The following KCNJ6 variants were observed in gnomAD, a reference collection of about 807,000 sequenced individuals.
KCNJ6 encodes the protein potassium inwardly rectifying channel subfamily J member 6.
Under a neutral mutation model 34.2 loss-of-function variants are expected in KCNJ6, and 9 were observed. That is an observed-to-expected ratio of 0.26 (90% CI 0.16 to 0.46). KCNJ6 has a LOEUF of 0.46. Ranked by LOEUF, KCNJ6 falls within the 20% of genes least tolerant of loss-of-function variation. The pLI, the probability that KCNJ6 is intolerant of heterozygous loss-of-function variation, is 1.00. For synonymous variants in KCNJ6, 196 were observed against 207.1 expected (o/e 0.95, Z 0.46); for missense variants, 236 against 531.3 (o/e 0.44, Z 5.46).
intron 3 of KCNJ6, among the ~76,000 whole-genome samples, chr21:37,692,587 A>T (rs2054644796): frequency 6.6e-6 from 1 of 152,152 alleles, no homozygotes; most frequent in South Asian, 2.1e-4. Context: ...GAGAGACAAC[A>T]TTCTCTTCTG....
At chr21:37,828,064 C>T (rs887266785) in intron 2 of KCNJ6, among the ~76,000 whole-genome samples, 4 of 152,206 alleles carry the variant, frequency 2.6e-5, no homozygotes, top group African/African-American at 9.6e-5. Context: ...AAGCACTACA[C>T]CCTCTGTGGA....
chr21:37,886,498 T>C lies in KCNJ6; in HGVS notation c.-28+29386A>G, dbSNP rs1389371221. 2.6e-5 allele frequency among the ~76,000 whole-genome samples: 4 copies of C among 152,220 alleles called. No individual in the cohort carries two copies. The East Asian group carries it at 7.7e-4, about 29-fold the overall frequency. On this transcript the variant is annotated intron_variant, in intron 1 of 3. Transcript: ENST00000609713. ...AGCTCCTTAAAGAATCTCATGTAAT[T>C]AGAGCTAACCTGTCCCAATTTCAAA...
At position 37,750,828 on chromosome 21, in the gene KCNJ6, T is replaced by A. The variant is rs142667069; in HGVS notation, c.26-35697A>T. 4.2e-3 allele frequency among the ~76,000 whole-genome samples: 645 copies of A among 152,308 alleles called. 4 individuals carry two copies. The highest frequency in any genetic ancestry group is 0.014 in the African/African-American group (577 of 41,562). The stretch of plus-strand genomic sequence containing the variant: ...AACCACCATGGCACATGTATACCTA[T>A]GTAACAAACCTGCATGTTCTGCGCA... On this transcript the variant is annotated intron_variant, in intron 2 of 3. Coordinates refer to ENST00000609713, the MANE Select transcript of KCNJ6 (RefSeq NM_002240.5).
chr21:37,896,659 C>G (rs2055789875), intron 1 of KCNJ6, among the ~76,000 whole-genome samples: 2 of 152,082 alleles, frequency 1.3e-5, no homozygotes, highest in African/African-American at 2.4e-5. Context: ...GGGGGAGACT[C>G]AAGGGTGGCA....
intron 2 of KCNJ6, among the ~76,000 whole-genome samples, chr21:37,822,619 C>T (rs2055378819): frequency 1.3e-5 from 2 of 152,204 alleles, no homozygotes; most frequent in African/African-American, 4.8e-5. Context: ...ATATTGGGGT[C>T]TATGGCTTTG....
chr21:37,782,712 C>A (rs1296200917), intron 2 of KCNJ6, among the ~76,000 whole-genome samples: 1 of 152,162 alleles, frequency 6.6e-6, no homozygotes, highest in Non-Finnish European at 1.5e-5. Context: ...CAGGCTGTGG[C>A]CCTACTGGGG....
intron 3 of KCNJ6, among the ~76,000 whole-genome samples, chr21:37,646,304 C>G (rs916818756): frequency 9.9e-5 from 15 of 152,148 alleles, no homozygotes; most frequent in Non-Finnish European, 5.9e-5. Context: ...CGCTACATCC[C>G]TTGGCTCACA....
At chr21:37,857,709 A>G (rs1221861155) in intron 1 of KCNJ6, among the ~76,000 whole-genome samples, 2 of 152,214 alleles carry the variant, frequency 1.3e-5, no homozygotes, top group African/African-American at 4.8e-5. Flanking sequence ...TGACCCAGAA[A>G]GAAATCCCCT....
At chr21:37,633,527 C>T (rs1318247904) in intron 3 of KCNJ6, among the ~76,000 whole-genome samples, 1 of 152,104 alleles carries the variant, frequency 6.6e-6, no homozygotes, top group Non-Finnish European at 1.5e-5. Flanking sequence ...ATGAAACTTT[C>T]ATTATTTGCA....
At chr21:37,857,383 A>C (rs2055570515) in intron 1 of KCNJ6, among the ~76,000 whole-genome samples, 1 of 152,224 alleles carries the variant, frequency 6.6e-6, no homozygotes, top group South Asian at 2.1e-4. Flanking sequence ...GAGCAACAAG[A>C]TGAAGATGTG....
intron 2 of KCNJ6, among the ~76,000 whole-genome samples, chr21:37,827,510 C>T (rs2055404799): frequency 6.8e-6 from 1 of 147,100 alleles, no homozygotes; most frequent in Non-Finnish European, 1.5e-5. Context: ...CATAGAGTGA[C>T]ATCATAACCC....
chr21:37,727,237 G>GT lies in KCNJ6; in HGVS notation c.26-12107dup, dbSNP rs1450195720. On this transcript the variant is annotated intron_variant, in intron 2 of 3. Transcript: ENST00000609713. ...GATTATGAGAGGATAAGTCTCTTTTGTTTTAAGCTGCCCAGTTCATGGTAT... is the reference window on the plus strand; with the variant it reads ...GATTATGAGAGGATAAGTCTCTTTTGTTTTTAAGCTGCCCAGTTCATGGTAT... Among the ~76,000 whole-genome samples the GT allele has an allele frequency of 4.6e-5, 7 of 152,286 alleles. No individual in the cohort carries two copies. In the South Asian group the frequency reaches 6.2e-4, roughly 14 times the overall value.
chr21:37,839,810 ATCTTT>A (rs2055469950), intron 2 of KCNJ6, among the ~76,000 whole-genome samples: 1 of 151,960 alleles, frequency 6.6e-6, no homozygotes, highest in South Asian at 2.1e-4. Flanking sequence ...TTTTATTTTT[ATCTTT>A]TATTTTGAGA....
intron 1 of KCNJ6, among the ~76,000 whole-genome samples, chr21:37,879,948 T>C (rs1358501952): frequency 6.6e-6 from 1 of 152,134 alleles, no homozygotes; most frequent in East Asian, 1.9e-4. Context: ...AATTTACACC[T>C]AATTTCTTAT....
At chr21:37,796,817 T>C (rs1430001168) in intron 2 of KCNJ6, among the ~76,000 whole-genome samples, 22 of 139,314 alleles carry the variant, frequency 1.6e-4, no homozygotes, top group African/African-American at 5.6e-4. Flanking sequence ...GACGGAGTCT[T>C]GCTCTGTCGC....
chr21:37,820,091 T>A (rs1420253698), intron 2 of KCNJ6, among the ~76,000 whole-genome samples: 1 of 152,104 alleles, frequency 6.6e-6, no homozygotes, highest in Non-Finnish European at 1.5e-5. Flanking sequence ...CCTGGCCCAC[T>A]CTTTTAAATT....
At chr21:37,729,771 C>T (rs1310459812) in intron 2 of KCNJ6, among the ~76,000 whole-genome samples, 1 of 152,224 alleles carries the variant, frequency 6.6e-6, no homozygotes, top group Non-Finnish European at 1.5e-5. Context: ...GGGTGGAAAC[C>T]TAGTCAATGC....
intron 2 of KCNJ6, among the ~76,000 whole-genome samples, chr21:37,747,395 A>G (rs1275465675): frequency 6.6e-6 from 1 of 152,206 alleles, no homozygotes; most frequent in Non-Finnish European, 1.5e-5. Flanking sequence ...TGGGATTTTT[A>G]TTAGGAAAAG....
At chr21:37,668,077 T>C (rs1367394525) in intron 3 of KCNJ6, among the ~76,000 whole-genome samples, 1 of 152,164 alleles carries the variant, frequency 6.6e-6, no homozygotes, top group Non-Finnish European at 1.5e-5. Context: ...TGAGAACCAC[T>C]GGTGCCTGGC....
Sources: allele counts gnomAD v4.1 joint callset (sites outside exome capture counted in the v4.1 genomes callset), GRCh38; gene constraint gnomAD v4.1.1; transcripts MANE v1.5; gene names NCBI Gene and HGNC (gene_info 2026-07-23, HGNC 2026-07-21).